The following ST13 variants were observed in gnomAD, a reference collection of about 807,000 sequenced individuals.
The protein encoded by ST13 is ST13 Hsp70 interacting protein, also known as hsc70-interacting protein.
A neutral mutation model predicts 56.7 loss-of-function variants in ST13; 23 were observed. The observed-to-expected ratio is 0.41, with a 90% CI of 0.29 to 0.57. The LOEUF is 0.57. Ranked by LOEUF, ST13 falls within the 20% of genes least tolerant of loss-of-function variation. The pLI, the probability that ST13 is intolerant of heterozygous loss-of-function variation, is 0.36. For missense variants in ST13, 369 were observed against 459.9 expected (o/e 0.80, Z 1.81); for synonymous variants, 132 against 142.4 (o/e 0.93, Z 0.52).
intron 8 of ST13, among the ~76,000 whole-genome samples, 191 bp downstream of exon 8, chr22:40,832,378 C>T (rs1226982139): frequency 6.6e-6 from 1 of 152,166 alleles, no homozygotes; most frequent in Admixed American, 6.5e-5. Context: ...TCTAATAATG[C>T]ATGAGAAATG....
chr22:40,828,171 C>T (rs1004112023), intron 10 of ST13, among the ~76,000 whole-genome samples: 1 of 152,152 alleles, frequency 6.6e-6, no homozygotes, highest in Non-Finnish European at 1.5e-5. Flanking sequence ...TGCTTCTTTA[C>T]AGAGAATAAT....
chr22:40,829,539 A>C (rs2057744335), intron 10 of ST13, 87 bp downstream of exon 10: 5 of 616,346 alleles, frequency 8.1e-6, no homozygotes, highest in Non-Finnish European at 1.2e-5. Flanking sequence ...CAAAATCAGA[A>C]TATCACTTTA....
Position 40,856,631 on chromosome 22 carries a change from T to A in ST13, c.-91A>T. The A allele has an allele frequency of 2.0e-6, 2 of 1,022,204 alleles. No homozygotes were observed. The highest frequency in any genetic ancestry group is 3.0e-6 in the Non-Finnish European group (2 of 658,538). The allele number at this position is 1,022,204 out of a possible 1,614,324, so 63.3% of individuals were successfully genotyped here. ...GCGTGACCGCGCAGAAGGGGGCGGC[T>A]GCCGCAAGACAGAACAGACTAGAAC... On this transcript the variant is annotated 5_prime_UTR_variant, in exon 1 of 12. Transcript: ENST00000216218.
At position 40,825,374 on chromosome 22, in the gene ST13, G is replaced by C. The variant is rs541747934; in HGVS notation, c.*1164C>G. ...AACCTTATCTTCAGAATACAAAGATGAATACTACAAGATAAACTAACTGCA... is the reference window on the plus strand; with the variant it reads ...AACCTTATCTTCAGAATACAAAGATCAATACTACAAGATAAACTAACTGCA... On this transcript the variant is annotated 3_prime_UTR_variant, in exon 12 of 12. Coordinates refer to ENST00000216218, the MANE Select transcript of ST13 (RefSeq NM_003932.5). 6.6e-6 allele frequency: 1 copy of C among 152,238 alleles called. No individual in the cohort carries two copies. The highest frequency in any genetic ancestry group is 2.4e-5 in the African/African-American group (1 of 41,542). The allele number at this position is 152,238 out of a possible 1,614,324, so 9.4% of individuals were successfully genotyped here.
At chr22:40,835,933 T>C (rs764084659) in intron 5 of ST13, 46 bp from the exon 6 acceptor site, 3 of 1,441,834 alleles carry the variant, frequency 2.1e-6, no homozygotes, top group Non-Finnish European at 1.9e-6. Flanking sequence ...AGGATAAAAA[T>C]ATTAATAAAA....
intron 7 of ST13, among the ~76,000 whole-genome samples, chr22:40,833,351 C>T (rs1430798902): frequency 3.3e-5 from 5 of 151,718 alleles, no homozygotes; most frequent in Non-Finnish European, 7.4e-5. Flanking sequence ...GGGCAGAACG[C>T]GAGGTCAGGA....
At chr22:40,842,556 CAG>C (rs753900085) in intron 4 of ST13, among the ~76,000 whole-genome samples, 3 of 152,246 alleles carry the variant, frequency 2.0e-5, no homozygotes, top group Middle Eastern at 3.4e-3. Flanking sequence ...TGCTTTTCAG[CAG>C]AGAGTGATAA....
chr22:40,844,257 T>A (rs2057819844), intron 4 of ST13, among the ~76,000 whole-genome samples: 1 of 152,256 alleles, frequency 6.6e-6, no homozygotes, highest in South Asian at 2.1e-4. Context: ...TCTGATAATA[T>A]CAAGTTTTGA....
intron 2 of ST13, among the ~76,000 whole-genome samples, chr22:40,849,610 T>A (rs1446534597): frequency 6.6e-6 from 1 of 151,962 alleles, no homozygotes; most frequent in Non-Finnish European, 1.5e-5. Context: ...CAAGCCATAA[T>A]TCTAGTTTAG....
chr22:40,844,034 C>G (rs2057818531), intron 4 of ST13, among the ~76,000 whole-genome samples: 1 of 152,058 alleles, frequency 6.6e-6, no homozygotes, highest in East Asian at 1.9e-4. Flanking sequence ...AGGCGTGCAC[C>G]ATCATGCCTG....
chr22:40,852,530 C>T (rs964116180), intron 1 of ST13, among the ~76,000 whole-genome samples: 1 of 152,128 alleles, frequency 6.6e-6, no homozygotes, highest in African/African-American at 2.4e-5. Flanking sequence ...AGTATAAATG[C>T]AAAGTAGCAG....
chr22:40,833,180 G>GT (rs1467917554), intron 7 of ST13, among the ~76,000 whole-genome samples: 3 of 152,190 alleles, frequency 2.0e-5, no homozygotes, highest in Admixed American at 6.5e-5. Context: ...TAACTCAGGT[G>GT]TAACTCTTCG....
chr22:40,855,721 T>A (rs2057888382), intron 1 of ST13, among the ~76,000 whole-genome samples: 1 of 152,238 alleles, frequency 6.6e-6, no homozygotes, highest in African/African-American at 2.4e-5. Flanking sequence ...GTACTTATAC[T>A]GTTTCCTAGC....
chr22:40,848,520 G>A (rs2057844643), intron 2 of ST13, 151 bp from the exon 3 acceptor site: 1 of 635,158 alleles, frequency 1.6e-6, no homozygotes, highest in Non-Finnish European at 2.8e-6. Flanking sequence ...GCTGGGGTGG[G>A]TGGATCATTT....
intron 11 of ST13, 142 bp from the exon 12 acceptor site, chr22:40,826,808 A>C: frequency 9.8e-7 from 1 of 1,018,322 alleles, no homozygotes; most frequent in South Asian, 1.7e-5. Flanking sequence ...TTGAAGTATC[A>C]AAATCAAGCT....
In ST13 at chr22:40,835,467, T is replaced by C. The variant is rs548432169; in HGVS notation, c.578+93A>G. ...CACACTAATTTGAAAATTAAGTCAT[T>C]AGGAACTTTTGTGTTTTTGTTTAAA... On this transcript the variant is annotated intron_variant, in intron 7 of 11. Coordinates refer to ENST00000216218, the MANE Select transcript of ST13 (RefSeq NM_003932.5). 7.0e-5 allele frequency: 76 copies of C among 1,084,518 alleles called. No homozygotes were observed. The African/African-American group carries it at 1.2e-3, about 17-fold the overall frequency. The allele number at this position is 1,084,518 out of a possible 1,614,324, so 67.2% of individuals were successfully genotyped here.
At chr22:40,836,530 TTC>T (rs1488692137) in intron 5 of ST13, among the ~76,000 whole-genome samples, 10 of 152,194 alleles carry the variant, frequency 6.6e-5, no homozygotes, top group African/African-American at 2.4e-4. Flanking sequence ...TCCATTGATT[TTC>T]TTTTATCCAT....
At chr22:40,832,498 C>T (rs1006046869) in intron 8 of ST13, 71 bp downstream of exon 8, 17 of 1,090,914 alleles carry the variant, frequency 1.6e-5, no homozygotes, top group Non-Finnish European at 2.2e-5. Context: ...TGAATTACAG[C>T]TGTCGGGGGC....
In ST13 at chr22:40,825,908, T is replaced by A. The variant is rs1198282982; in HGVS notation, c.*630A>T. The A allele has an allele frequency of 6.6e-6, 1 of 152,654 alleles. No individual in the cohort carries two copies. Among genetic ancestry groups the A allele is most frequent in the African/African-American group, 2.4e-5 (1 of 41,468 alleles). The allele number at this position is 152,654 out of a possible 1,614,324, so 9.5% of individuals were successfully genotyped here. A position where few individuals can be genotyped will look rare whatever the true frequency, so the allele number is the denominator to read the frequency against. ...ACATCCCTTCACCACAGTGTAAGAT[T>A]TAAGGGCAACCTGCCCAAGGATGCA... On this transcript the variant is annotated 3_prime_UTR_variant, in exon 12 of 12. Coordinates refer to ENST00000216218, the MANE Select transcript of ST13 (RefSeq NM_003932.5).
Sources: gnomAD v4.1 joint callset for allele counts (sites outside exome capture counted in the v4.1 genomes callset) on GRCh38, gnomAD v4.1.1 for gene constraint, MANE v1.5 for transcripts, NCBI Gene and HGNC (gene_info 2026-07-23, HGNC 2026-07-21) for gene names.